The following TBC1D22B variants were observed in gnomAD, a reference collection of about 807,000 sequenced individuals.
TBC1D22B encodes chromosome 6 open reading frame 197.
A neutral mutation model predicts 69.1 loss-of-function variants in TBC1D22B; 32 were observed. The observed-to-expected ratio is 0.46, with a 90% CI of 0.35 to 0.62. The LOEUF (loss-of-function observed/expected upper bound fraction) is 0.62. Among genes scored for constraint, TBC1D22B ranks in the 20% least tolerant of loss-of-function variants. TBC1D22B has a pLI of 0.00. For synonymous variants in TBC1D22B, 206 were observed against 229.8 expected, an observed-to-expected ratio of 0.90 and a Z score of 0.94; for missense variants, 462 against 630.9, an observed-to-expected ratio of 0.73 and a Z score of 2.87.
chr6:37,318,113 A>C (rs1768134161), intron 12 of TBC1D22B, among the ~76,000 whole-genome samples: 1 of 152,170 alleles, frequency 6.6e-6, no homozygotes, highest in African/African-American at 2.4e-5. Flanking sequence ...TTCTATGTAG[A>C]CTGTAGGTGT....
intron 2 of TBC1D22B, among the ~76,000 whole-genome samples, chr6:37,272,394 C>T (rs188400740): frequency 4.6e-4 from 65 of 142,762 alleles, no homozygotes; most frequent in African/African-American, 1.5e-3. Context: ...CAGAGTCTTG[C>T]GCTGCTGCTC....
intron 12 of TBC1D22B, among the ~76,000 whole-genome samples, chr6:37,319,822 A>G (rs771232395): frequency 6.6e-6 from 1 of 152,228 alleles, no homozygotes; most frequent in Non-Finnish European, 1.5e-5. Flanking sequence ...AGACAGAATC[A>G]TGGCAGAGGT....
At chr6:37,305,879 T>C (rs1046696235) in intron 8 of TBC1D22B, among the ~76,000 whole-genome samples, 7 of 152,210 alleles carry the variant, frequency 4.6e-5, no homozygotes, top group African/African-American at 1.2e-4. Flanking sequence ...TTTTCCACTT[T>C]AATGTTGTTA....
intron 12 of TBC1D22B, among the ~76,000 whole-genome samples, chr6:37,330,239 T>C (rs1768544109): frequency 1.8e-4 from 5 of 28,022 alleles, no homozygotes; most frequent in African/African-American, 3.3e-4. Context: ...TTTTTTTTTT[T>C]TTTTTTTTTT....
chr6:37,304,412 A>G (rs1193714788), intron 8 of TBC1D22B, among the ~76,000 whole-genome samples: 1 of 152,258 alleles, frequency 6.6e-6, no homozygotes, highest in East Asian at 1.9e-4. Context: ...ATATGAGAAC[A>G]GATATCCATA....
intron 1 of TBC1D22B, among the ~76,000 whole-genome samples, chr6:37,259,031 T>TA (rs397747529): frequency 1.3e-5 from 2 of 151,262 alleles, no homozygotes; most frequent in East Asian, 1.9e-4. Flanking sequence ...TTTTTTTTTT[T>TA]AAATGAAATA....
chr6:37,272,325 A>G (rs377608582), intron 2 of TBC1D22B, among the ~76,000 whole-genome samples: 29 of 150,780 alleles, frequency 1.9e-4, no homozygotes, highest in African/African-American at 6.3e-4. Flanking sequence ...TCGGCCTCCC[A>G]AAGTGCTAGG....
intron 8 of TBC1D22B, among the ~76,000 whole-genome samples, chr6:37,309,370 A>T (rs531984513): frequency 6.6e-6 from 1 of 152,178 alleles, no homozygotes; most frequent in South Asian, 2.1e-4. Flanking sequence ...CTCTCTTTTT[A>T]CCCTGCCATG....
At chr6:37,289,855 C>T (rs1160045048) in intron 7 of TBC1D22B, among the ~76,000 whole-genome samples, 2 of 152,066 alleles carry the variant, frequency 1.3e-5, no homozygotes, top group Non-Finnish European at 2.9e-5. Flanking sequence ...AGTGTTGGGC[C>T]GAATGCAAAT....
chr6:37,318,491 A>G (rs538888348), intron 12 of TBC1D22B, among the ~76,000 whole-genome samples: 16 of 152,286 alleles, frequency 1.1e-4, no homozygotes, highest in African/African-American at 3.9e-4. Flanking sequence ...TGAAAGAGAG[A>G]TCTGGACTGG....
At chr6:37,299,510 A>G (rs528572353) in intron 8 of TBC1D22B, among the ~76,000 whole-genome samples, 3 of 152,340 alleles carry the variant, frequency 2.0e-5, no homozygotes, top group African/African-American at 7.2e-5. Flanking sequence ...CTGTCCATTC[A>G]ACAAGTATTT....
chr6:37,313,119 ACCAC>A, intron 9 of TBC1D22B, 95 bp downstream of exon 9: 37 of 897,812 alleles, frequency 4.1e-5, no homozygotes, highest in South Asian at 6.7e-5. Context: ...ATCAGGCAGG[ACCAC>A]CCACCCACCC....
At chr6:37,294,586 C>T (rs1250086351) in intron 8 of TBC1D22B, among the ~76,000 whole-genome samples, 3 of 152,152 alleles carry the variant, frequency 2.0e-5, no homozygotes, top group Admixed American at 6.5e-5. Context: ...AGTTGAAGCC[C>T]GTGCTCATTT....
intron 1 of TBC1D22B, 131 bp from the exon 2 acceptor site, chr6:37,269,463 C>A: frequency 1.3e-6 from 1 of 792,770 alleles, no homozygotes. Flanking sequence ...TGGGGGATGG[C>A]TTGAGTACAG....
chr6:37,315,675 A>G (rs1459533511), intron 10 of TBC1D22B, among the ~76,000 whole-genome samples: 6 of 152,094 alleles, frequency 3.9e-5, no homozygotes, highest in African/African-American at 7.2e-5. Context: ...CTCCTGGCTC[A>G]AAGGATCTTC....
intron 7 of TBC1D22B, among the ~76,000 whole-genome samples, chr6:37,289,353 A>C (rs1187581512): frequency 1.3e-5 from 2 of 152,252 alleles, no homozygotes; most frequent in African/African-American, 4.8e-5. Context: ...CGGTTCTCCT[A>C]TCCACTCCTC....
In TBC1D22B at chr6:37,291,264, A is replaced by G; in HGVS notation, c.889A>G (p.Ile297Val). The G allele has an allele frequency of 6.2e-7, 1 of 1,613,608 alleles. No homozygotes were observed. Among genetic ancestry groups the G allele is most frequent in the South Asian group, 1.1e-5 (1 of 91,068 alleles). ...CTAGATCTTTGAAAGAATTCTATTTATTTGGGCCATCCGCCACCCTGCCAG... is the reference window on the plus strand; with the variant it reads ...CTAGATCTTTGAAAGAATTCTATTTGTTTGGGCCATCCGCCACCCTGCCAG... ...VQEIFERILF[I>V]WAIRHPASGY... Residue 297 changes from isoleucine to valine, a missense_variant, in exon 8 of 13, where the codon ATT becomes GTT. Coordinates refer to ENST00000373491, the MANE Select transcript of TBC1D22B (RefSeq NM_017772.4).
chr6:37,282,107 T>C, intron 3 of TBC1D22B, 78 bp from the exon 4 acceptor site: 1 of 1,517,894 alleles, frequency 6.6e-7, no homozygotes, highest in East Asian at 2.2e-5. Context: ...AACACAATGC[T>C]GAACGGTTAG....
intron 12 of TBC1D22B, among the ~76,000 whole-genome samples, chr6:37,321,570 T>A (rs188656113): frequency 2.6e-5 from 4 of 152,368 alleles, no homozygotes; most frequent in Non-Finnish European, 2.9e-5. Context: ...CTCCTTCCAC[T>A]GCCAGAAAGA....
Sources: gnomAD v4.1 joint callset for allele counts (sites outside exome capture counted in the v4.1 genomes callset) on GRCh38, gnomAD v4.1.1 for gene constraint, MANE v1.5 for transcripts, NCBI Gene and HGNC (gene_info 2026-07-23, HGNC 2026-07-21) for gene names.